The following CNTNAP2 variants were observed in gnomAD, a reference collection of about 807,000 sequenced individuals.
CNTNAP2 encodes contactin associated protein 2, also known as contactin-associated protein-like 2.
Under a neutral mutation model 155.2 loss-of-function variants are expected in CNTNAP2, and 98 were observed. That is an observed-to-expected ratio of 0.63 (90% CI 0.54 to 0.75). The LOEUF (loss-of-function observed/expected upper bound fraction) is 0.75. Ranked by LOEUF, CNTNAP2 falls within the 30% of genes least tolerant of loss-of-function variation. CNTNAP2 has a pLI of 0.00. For synonymous variants in CNTNAP2, 651 were observed against 631.2 expected, an observed-to-expected ratio of 1.03 and a Z score of -0.47; for missense variants, 1,727 against 1,688.1, an observed-to-expected ratio of 1.02 and a Z score of -0.40.
chr7:146,388,850 A>C (rs1795499393), intron 1 of CNTNAP2, among the ~76,000 whole-genome samples: 1 of 152,180 alleles, frequency 6.6e-6, no homozygotes, highest in Non-Finnish European at 1.5e-5. Flanking sequence ...CAAATAAGCA[A>C]GAATGTGTGA....
chr7:146,444,649 G>T (rs1027492383), intron 1 of CNTNAP2, among the ~76,000 whole-genome samples: 1 of 149,888 alleles, frequency 6.7e-6, no homozygotes, highest in Non-Finnish European at 1.5e-5. Flanking sequence ...TAAATCCATA[G>T]ATCCTCTCTC....
chr7:146,622,227 A>ATCTATC (rs1799334517), intron 1 of CNTNAP2, among the ~76,000 whole-genome samples: 1 of 148,160 alleles, frequency 6.7e-6, no homozygotes, highest in African/African-American at 2.5e-5. Flanking sequence ...GTGTGTGTAT[A>ATCTATC]TATATATGTG....
At chr7:146,857,280 AAAGAGT>A (rs1562975513) in intron 3 of CNTNAP2, among the ~76,000 whole-genome samples, 1 of 152,168 alleles carries the variant, frequency 6.6e-6, no homozygotes, top group African/African-American at 2.4e-5. Context: ...GAATAAGAAT[AAAGAGT>A]AAAAGGACAA....
intron 1 of CNTNAP2, among the ~76,000 whole-genome samples, chr7:146,652,145 TA>T (rs901655531): frequency 2.0e-5 from 3 of 152,112 alleles, no homozygotes; most frequent in African/African-American, 7.2e-5. Context: ...ATTCAGTTAT[TA>T]AAAAATTAAC....
chr7:146,868,777 A>G (rs1012504770), intron 3 of CNTNAP2, among the ~76,000 whole-genome samples: 4 of 152,118 alleles, frequency 2.6e-5, no homozygotes, highest in East Asian at 3.9e-4. Context: ...TTTTGTGGCA[A>G]TTGTGAGTGG....
chr7:146,167,076 C>T (rs1018261671), intron 1 of CNTNAP2, among the ~76,000 whole-genome samples: 3 of 152,174 alleles, frequency 2.0e-5, no homozygotes, highest in African/African-American at 7.2e-5. Flanking sequence ...CAACTGGGCG[C>T]ATAGCAGTTG....
At chr7:148,352,711 TG>T (rs1798449237) in intron 21 of CNTNAP2, among the ~76,000 whole-genome samples, 1 of 152,138 alleles carries the variant, frequency 6.6e-6, no homozygotes, top group Non-Finnish European at 1.5e-5. Flanking sequence ...GGTAGGAGTA[TG>T]GGGGGCTGTG....
intron 1 of CNTNAP2, among the ~76,000 whole-genome samples, chr7:146,663,570 T>G (rs569802854): frequency 6.6e-6 from 1 of 152,252 alleles, no homozygotes; most frequent in East Asian, 1.9e-4. Context: ...CTTTTATGTT[T>G]TGCATTTTTA....
At chr7:146,195,103 TA>T (rs1288873413) in intron 1 of CNTNAP2, 1 of 152,234 alleles carries the variant, frequency 6.6e-6, no homozygotes, top group African/African-American at 2.4e-5. Flanking sequence ...CTTTCTTCTC[TA>T]AAACAGATGC....
intron 15 of CNTNAP2, among the ~76,000 whole-genome samples, chr7:148,068,185 T>C (rs1408498981): frequency 6.6e-6 from 1 of 151,998 alleles, no homozygotes; most frequent in Non-Finnish European, 1.5e-5. Context: ...CTGCCCCAGA[T>C]TGTGCCCAGA....
At chr7:147,901,219 G>A (rs1257990168) in intron 13 of CNTNAP2, among the ~76,000 whole-genome samples, 2 of 152,022 alleles carry the variant, frequency 1.3e-5, no homozygotes, top group African/African-American at 2.4e-5. Context: ...TAACATAAGA[G>A]CATCACATCT....
intron 13 of CNTNAP2, among the ~76,000 whole-genome samples, chr7:147,685,156 T>C (rs1434690924): frequency 2.0e-5 from 3 of 152,150 alleles, no homozygotes; most frequent in African/African-American, 2.4e-5. Context: ...CCTGGGTCTA[T>C]TTGCCATATG....
At chr7:148,350,623 T>G (rs1798410580) in intron 21 of CNTNAP2, among the ~76,000 whole-genome samples, 1 of 152,234 alleles carries the variant, frequency 6.6e-6, no homozygotes, top group African/African-American at 2.4e-5. Context: ...TGTTTTATGT[T>G]CAGAACCAAC....
intron 1 of CNTNAP2, among the ~76,000 whole-genome samples, chr7:146,740,339 T>C (rs765755338): frequency 1.3e-5 from 2 of 151,888 alleles, no homozygotes; most frequent in Non-Finnish European, 2.9e-5. Flanking sequence ...TTTTTTTACT[T>C]ATTATTATTA....
intron 1 of CNTNAP2, among the ~76,000 whole-genome samples, chr7:146,466,528 G>A (rs1796719741): frequency 6.6e-6 from 1 of 152,110 alleles, no homozygotes; most frequent in South Asian, 2.1e-4. Context: ...AGATTAGTGA[G>A]TACATTTAAT....
chr7:147,929,780 T>C (rs1030571789), intron 14 of CNTNAP2, among the ~76,000 whole-genome samples: 1 of 152,172 alleles, frequency 6.6e-6, no homozygotes, highest in East Asian at 1.9e-4. Context: ...CCCCAGCCTT[T>C]TTAGCACCAA....
At chr7:147,014,581 T>C (rs1798685845) in intron 3 of CNTNAP2, among the ~76,000 whole-genome samples, 1 of 152,186 alleles carries the variant, frequency 6.6e-6, no homozygotes. Context: ...ATTTAATATT[T>C]TCTCTTTGGT....
chr7:147,466,397 T>G (rs1442373887), intron 10 of CNTNAP2, among the ~76,000 whole-genome samples: 1 of 152,106 alleles, frequency 6.6e-6, no homozygotes, highest in Non-Finnish European at 1.5e-5. Flanking sequence ...GAGGGAAAAT[T>G]AGAGTGATGT....
chr7:147,874,709 A>G (rs1474895731), intron 13 of CNTNAP2, among the ~76,000 whole-genome samples: 2 of 152,214 alleles, frequency 1.3e-5, no homozygotes, highest in African/African-American at 4.8e-5. Flanking sequence ...TTCCTGCAGT[A>G]GGCTTGAATT....
Sources: gnomAD v4.1 joint callset for allele counts (sites outside exome capture counted in the v4.1 genomes callset) on GRCh38, gnomAD v4.1.1 for gene constraint, MANE v1.5 for transcripts, NCBI Gene and HGNC (gene_info 2026-07-23, HGNC 2026-07-21) for gene names.